Variants in STXBP5L observed in about 807,000 individuals in gnomAD.
STXBP5L encodes the protein syntaxin-binding protein 5-like.
Under a neutral mutation model 144.5 loss-of-function variants are expected in STXBP5L, and 65 were observed. The observed-to-expected ratio is 0.45, with a 90% CI of 0.37 to 0.55. The LOEUF (loss-of-function observed/expected upper bound fraction) is 0.55. STXBP5L is among the 20% of genes least tolerant of loss of function. The pLI is 0.00. For missense variants in STXBP5L, 1,298 were observed against 1,405.5 expected, an observed-to-expected ratio of 0.92 and a Z score of 1.22; for synonymous variants, 505 against 469.6, an observed-to-expected ratio of 1.08 and a Z score of -0.97.
At chr3:121,141,061 C>G (rs1031964033) in intron 7 of STXBP5L, among the ~76,000 whole-genome samples, 6 of 151,898 alleles carry the variant, frequency 4.0e-5, no homozygotes, top group Non-Finnish European at 8.8e-5. Flanking sequence ...TGAAAAAATA[C>G]CGAAATTGAA....
intron 9 of STXBP5L, among the ~76,000 whole-genome samples, chr3:121,167,645 A>G (rs995812779): frequency 6.6e-6 from 1 of 152,176 alleles, no homozygotes; most frequent in African/African-American, 2.4e-5. Flanking sequence ...CTCTCTGGGC[A>G]GGGCATCTCT....
intron 11 of STXBP5L, among the ~76,000 whole-genome samples, chr3:121,233,189 A>G (rs1323497089): frequency 6.6e-6 from 1 of 152,218 alleles, no homozygotes; most frequent in Admixed American, 6.5e-5. Flanking sequence ...TGTTGCTCTT[A>G]TACAGATGTG....
At chr3:121,083,618 G>A (rs1284593810) in intron 5 of STXBP5L, among the ~76,000 whole-genome samples, 1 of 151,652 alleles carries the variant, frequency 6.6e-6, no homozygotes, top group African/African-American at 2.4e-5. Context: ...AGCCAAGATT[G>A]CACCACTGCA....
chr3:121,189,634 A>G lies in STXBP5L; in HGVS notation c.878-16289A>G, dbSNP rs192760529. Among the ~76,000 whole-genome samples the G allele has an allele frequency of 3.1e-3, 467 of 152,306 alleles. 3 individuals are homozygous for G. The highest frequency in any genetic ancestry group is 0.01 in the African/African-American group (431 of 41,560). On this transcript the variant is annotated intron_variant, in intron 9 of 26. Coordinates refer to ENST00000471454, the MANE Select transcript of STXBP5L (RefSeq NM_001308330.2). ...GTTTTGGTTACTGTAGCCTTGTAGT[A>G]TAGTTTGAAGTCAGGTAGCGTGATG...
intron 2 of STXBP5L, among the ~76,000 whole-genome samples, chr3:120,911,466 C>A (rs947777385): frequency 6.6e-6 from 1 of 152,080 alleles, no homozygotes; most frequent in South Asian, 2.1e-4. Flanking sequence ...ATTTATCTCC[C>A]TTGAGCCTTG....
At chr3:121,411,257 T>A (rs1292267294) in intron 23 of STXBP5L, among the ~76,000 whole-genome samples, 2 of 152,122 alleles carry the variant, frequency 1.3e-5, no homozygotes, top group African/African-American at 4.8e-5. Flanking sequence ...CAGTGCTTAG[T>A]CCAATAGCAC....
At chr3:121,080,536 C>T (rs1423797877) in intron 5 of STXBP5L, among the ~76,000 whole-genome samples, 1 of 152,136 alleles carries the variant, frequency 6.6e-6, no homozygotes. Flanking sequence ...ATTCTCTCAG[C>T]ATTTGTATGT....
chr3:121,376,444 T>C (rs375206841), intron 20 of STXBP5L, among the ~76,000 whole-genome samples: 13 of 152,350 alleles, frequency 8.5e-5, no homozygotes, highest in East Asian at 5.8e-4. Flanking sequence ...TTCAGTTTTC[T>C]GTATACGGCT....
At chr3:121,043,192 C>T (rs1947278758) in intron 4 of STXBP5L, among the ~76,000 whole-genome samples, 1 of 152,078 alleles carries the variant, frequency 6.6e-6, no homozygotes, top group African/African-American at 2.4e-5. Context: ...GTATCTTTTC[C>T]CAAACTTCCC....
chr3:121,066,381 C>T (rs528940498), intron 5 of STXBP5L, among the ~76,000 whole-genome samples: 41 of 128,306 alleles, frequency 3.2e-4, no homozygotes, highest in African/African-American at 1.0e-3. Flanking sequence ...TATATATATA[C>T]GCTTATAGGA....
intron 8 of STXBP5L, among the ~76,000 whole-genome samples, chr3:121,155,730 A>T (rs1000010975): frequency 1.3e-5 from 2 of 151,976 alleles, no homozygotes; most frequent in Middle Eastern, 3.4e-3. Context: ...GTAATGCACT[A>T]TATGAGACCC....
chr3:121,073,197 C>T (rs569239484), intron 5 of STXBP5L, among the ~76,000 whole-genome samples: 6 of 152,284 alleles, frequency 3.9e-5, no homozygotes, highest in Admixed American at 1.3e-4. Flanking sequence ...AACAGTGATA[C>T]CCTGGGCCAC....
intron 9 of STXBP5L, among the ~76,000 whole-genome samples, chr3:121,193,156 G>A (rs1040340146): frequency 1.4e-5 from 2 of 142,518 alleles, no homozygotes; most frequent in African/African-American, 2.6e-5. Context: ...TCAAAAAGTG[G>A]GCAAAGATAT....
At chr3:120,978,930 C>T (rs1184616674) in intron 3 of STXBP5L, among the ~76,000 whole-genome samples, 1 of 152,102 alleles carries the variant, frequency 6.6e-6, no homozygotes, top group Non-Finnish European at 1.5e-5. Context: ...AGTACCCAGC[C>T]GTGTGAGGTG....
intron 3 of STXBP5L, among the ~76,000 whole-genome samples, chr3:121,033,773 A>C (rs1946553162): frequency 6.6e-6 from 1 of 151,858 alleles, no homozygotes; most frequent in Non-Finnish European, 1.5e-5. Flanking sequence ...GTTTTATATA[A>C]AATTATATAC....
At position 120,912,806 on chromosome 3, in the gene STXBP5L, G is replaced by A. The variant is rs544701338; in HGVS notation, c.189+3039G>A. Among the ~76,000 whole-genome samples the A allele has an allele frequency of 2.0e-5, 3 of 152,002 alleles. No individual in the cohort carries two copies. In the South Asian group the frequency reaches 6.2e-4, roughly 32 times the overall value. ...TAAATTTCAAATTGCTTACCTTGAT[G>A]GGTATAGAGTTTCCTTCAGAAGAGA... is the stretch of plus-strand genomic sequence containing the variant. On this transcript the variant is annotated intron_variant, in intron 2 of 26. Transcript: ENST00000471454.
intron 3 of STXBP5L, among the ~76,000 whole-genome samples, chr3:120,987,113 A>T (rs574174359): frequency 3.3e-5 from 5 of 152,166 alleles, no homozygotes; most frequent in African/African-American, 9.6e-5. Context: ...AGATGGATTC[A>T]TATTGAGACA....
At chr3:121,105,906 A>G (rs2107796753) in intron 5 of STXBP5L, among the ~76,000 whole-genome samples, 1 of 152,240 alleles carries the variant, frequency 6.6e-6, no homozygotes, top group Non-Finnish European at 1.5e-5. Flanking sequence ...AAGTGTGAAA[A>G]ATTTATATTT....
intron 15 of STXBP5L, among the ~76,000 whole-genome samples, chr3:121,252,839 G>A (rs2050070499): frequency 1.3e-5 from 2 of 152,122 alleles, no homozygotes; most frequent in Non-Finnish European, 2.9e-5. Flanking sequence ...TGTAATCAAG[G>A]TGTTGGCTGG....
Sources: allele counts gnomAD v4.1 joint callset (sites outside exome capture counted in the v4.1 genomes callset), GRCh38; gene constraint gnomAD v4.1.1; transcripts MANE v1.5; gene names NCBI Gene and HGNC (gene_info 2026-07-23, HGNC 2026-07-21).